Variants in GTF2H3 observed in about 807,000 individuals in gnomAD.
GTF2H3 encodes the protein TFIIH basal transcription factor complex p34 subunit.
In GTF2H3, 42 loss-of-function variants were observed where a neutral mutation model predicts 51.1. The ratio of observed to expected loss-of-function variants is 0.82; its 90% confidence interval spans 0.64 to 1.06. The LOEUF (loss-of-function observed/expected upper bound fraction) is 1.06. Ranked by LOEUF, GTF2H3 falls within the 50% of genes least tolerant of loss-of-function variation. The pLI is 0.00. For missense variants in GTF2H3, 326 were observed against 366.1 expected (o/e 0.89, Z 0.89); for synonymous variants, 123 against 123.8 (o/e 0.99, Z 0.04).
intron 9 of GTF2H3, among the ~76,000 whole-genome samples, chr12:123,659,033 A>T (rs1252836529): frequency 1.3e-5 from 2 of 152,344 alleles, no homozygotes; most frequent in Non-Finnish European, 1.5e-5. Context: ...GGACACATGT[A>T]ATCAAAAAGT....
chr12:123,653,916 C>T (rs1955551191), intron 7 of GTF2H3, among the ~76,000 whole-genome samples: 1 of 152,152 alleles, frequency 6.6e-6, no homozygotes, highest in South Asian at 2.1e-4. Flanking sequence ...ATGAGGGTAT[C>T]ATCAGGGTAT....
intron 1 of GTF2H3, among the ~76,000 whole-genome samples, chr12:123,636,852 G>C (rs2072960921): frequency 6.6e-6 from 1 of 152,188 alleles, no homozygotes; most frequent in South Asian, 2.1e-4. Flanking sequence ...GGGAGGCGGA[G>C]GTTGCGGTGA....
chr12:123,636,393 TGGG>T (rs1955283616), intron 1 of GTF2H3, among the ~76,000 whole-genome samples: 1 of 152,178 alleles, frequency 6.6e-6, no homozygotes, highest in Middle Eastern at 3.2e-3. Flanking sequence ...AAATCAAAGA[TGGG>T]GTAGAGATTC....
chr12:123,639,911 G>A (rs1184337648), intron 2 of GTF2H3: 1 of 455,416 alleles, frequency 2.2e-6, no homozygotes, highest in Non-Finnish European at 4.4e-6. Flanking sequence ...GTATGTGTGT[G>A]GTTCTGTGCA....
rs149956413 is a variant in GTF2H3 at position 123,653,129 on chromosome 12, A to G, written c.486+394A>G. ...AAAAAAAGAAAACATAATGGGAAAT[A>G]AAACGCATTTATAGTAGGAGCAAAA... On this transcript the variant is annotated intron_variant, in intron 7 of 12. Transcript: ENST00000543341. Among the ~76,000 whole-genome samples the G allele has an allele frequency of 1.4e-3, 213 of 152,270 alleles. 1 individual carries two copies. Among genetic ancestry groups the G allele is most frequent in the African/African-American group, 4.8e-3 (201 of 41,576 alleles).
chr12:123,644,247 A>G lies in GTF2H3; in HGVS notation c.94-1208A>G, dbSNP rs565463086. 8.1e-4 allele frequency among the ~76,000 whole-genome samples: 123 copies of G among 152,318 alleles called. 4 individuals are homozygous for G. The Middle Eastern group carries it at 0.01, about 13-fold the overall frequency. On this transcript the variant is annotated intron_variant, in intron 2 of 12. Coordinates refer to ENST00000543341, the MANE Select transcript of GTF2H3 (RefSeq NM_001516.5). ...GATCATTTGTTTAGTTTGTTACTAG[A>G]GAAGTTTCTCTGAACATATGAGTAC...
chr12:123,645,038 AAC>A (rs1221478448), intron 2 of GTF2H3, among the ~76,000 whole-genome samples: 2 of 152,194 alleles, frequency 1.3e-5, no homozygotes, highest in Non-Finnish European at 2.9e-5. Context: ...GCAAATTTTT[AAC>A]AGTGAATAAT....
chr12:123,635,153 A>T (rs1464142540), intron 1 of GTF2H3, among the ~76,000 whole-genome samples: 1 of 152,178 alleles, frequency 6.6e-6, no homozygotes, highest in Non-Finnish European at 1.5e-5. Context: ...ATGTGTATAG[A>T]TGCACACCTT....
rs1429732563 is a variant in GTF2H3 at position 123,660,955 on chromosome 12, G to A, written c.*720G>A. On this transcript the variant is annotated 3_prime_UTR_variant, in exon 13 of 13. Coordinates refer to ENST00000543341, the MANE Select transcript of GTF2H3 (RefSeq NM_001516.5). ...ACTTACTGGAGAAAATGGACTCTAT[G>A]TTAAGTATGGTTTTCAGATAGAATT... is the stretch of plus-strand genomic sequence containing the variant. The A allele has an allele frequency of 6.6e-6, 1 of 152,082 alleles. No individual in the cohort carries two copies. The highest frequency in any genetic ancestry group is 2.4e-5 in the African/African-American group (1 of 41,418). The allele number at this position is 152,082 out of a possible 1,614,324, so 9.4% of individuals were successfully genotyped here. A position where few individuals can be genotyped will look rare whatever the true frequency, so the allele number is the denominator to read the frequency against.
rs574511600 is a variant in GTF2H3, at chr12:123,647,045, C to T, written c.201-918C>T. 2.6e-4 allele frequency among the ~76,000 whole-genome samples: 39 copies of T among 150,236 alleles called. No homozygotes were observed. The East Asian group carries it at 6.5e-3, about 25-fold the overall frequency. On this transcript the variant is annotated intron_variant, in intron 3 of 12. Transcript: ENST00000543341. ...GCGGGCACCTGTAGTCCCAGCTACT[C>T]GTTAGGCTGAGGCAGGAGAATGTCG...
chr12:123,649,927 G>C (rs1593805864), intron 4 of GTF2H3: 1 of 152,302 alleles, frequency 6.6e-6, no homozygotes, highest in Non-Finnish European at 1.5e-5. Context: ...AAATCAGCTG[G>C]AAGGCTTGTT....
rs1410868244 is a variant in GTF2H3, at chr12:123,652,742, TA to T, written c.486+14del. The stretch of plus-strand genomic sequence containing the variant: ...AATGAAATCAAGGATATTGGTAAGA[TA>T]AAAAAATCATTACTTTTTTATATGA... On this transcript the variant is annotated splice_region_variant and intron_variant, in intron 7 of 12. Transcript: ENST00000543341. 4 of 1,485,408 alleles carry T rather than the reference TA, an allele frequency of 2.7e-6. No homozygotes were observed. The highest frequency in any genetic ancestry group is 3.6e-6 in the Non-Finnish European group (4 of 1,100,362). 92.0% of individuals were successfully genotyped at this position (1,485,408 alleles called of 1,614,324 possible).
chr12:123,638,677 A>G (rs1412679328), intron 1 of GTF2H3, among the ~76,000 whole-genome samples: 1 of 152,064 alleles, frequency 6.6e-6, no homozygotes, highest in East Asian at 1.9e-4. Flanking sequence ...GAGGATAAGC[A>G]GTGAACAAAA....
intron 2 of GTF2H3, among the ~76,000 whole-genome samples, chr12:123,644,644 G>A (rs557608925): frequency 6.7e-5 from 10 of 150,332 alleles, no homozygotes; most frequent in Non-Finnish European, 1.2e-4. Flanking sequence ...CCAGCCTGGC[G>A]ACAGAGTGAG....
intron 1 of GTF2H3, among the ~76,000 whole-genome samples, chr12:123,638,634 C>A (rs796626216): frequency 3.3e-5 from 5 of 151,782 alleles, no homozygotes; most frequent in African/African-American, 1.2e-4. Context: ...ATTTATTGAG[C>A]AGCTGCAATG....
chr12:123,647,275 A>C (rs1955461044), intron 3 of GTF2H3, among the ~76,000 whole-genome samples: 1 of 152,096 alleles, frequency 6.6e-6, no homozygotes, highest in Non-Finnish European at 1.5e-5. Context: ...CCAGCCATAC[A>C]TAGCAGCCAA....
intron 7 of GTF2H3, among the ~76,000 whole-genome samples, chr12:123,653,529 G>T (rs1165069788): frequency 1.3e-5 from 2 of 151,828 alleles, no homozygotes; most frequent in African/African-American, 2.4e-5. Flanking sequence ...GGCGCCTGTA[G>T]TCCCAGCTAC....
rs1335117194 is a variant in GTF2H3, at chr12:123,647,811, A to AT, written c.201-144dup. 2.3e-4 allele frequency: 112 copies of AT among 490,272 alleles called. 2 individuals are homozygous for AT. In the East Asian group the frequency reaches 2.4e-3, roughly 10 times the overall value. The allele number at this position is 490,272 out of a possible 1,614,324, so 30.4% of individuals were successfully genotyped here. On this transcript the variant is annotated intron_variant, in intron 3 of 12. Transcript: ENST00000543341. ...CGCTTTTTCTAATTTTATCTTACAC[A>AT]TTTTTTTTAAAAAATGAAATTTACC...
intron 2 of GTF2H3, among the ~76,000 whole-genome samples, chr12:123,641,037 A>G (rs1955364032): frequency 6.6e-6 from 1 of 152,144 alleles, no homozygotes; most frequent in Non-Finnish European, 1.5e-5. Context: ...CTATAGTCCC[A>G]GCTACTTGAG....
Sources: gnomAD v4.1 joint callset for allele counts (sites outside exome capture counted in the v4.1 genomes callset) on GRCh38, gnomAD v4.1.1 for gene constraint, MANE v1.5 for transcripts, NCBI Gene and HGNC (gene_info 2026-07-23, HGNC 2026-07-21) for gene names.